The following VAX2 variants were observed in gnomAD, a reference collection of about 807,000 sequenced individuals.
The protein encoded by VAX2 is ventral anterior homeobox 2.
Under a neutral mutation model 12.5 loss-of-function variants are expected in VAX2, and 8 were observed. That is an observed-to-expected ratio of 0.64 (90% CI 0.37 to 1.15). The LOEUF (loss-of-function observed/expected upper bound fraction) is 1.15. VAX2 is among the 50% of genes most tolerant of loss of function. The pLI is 0.01. For synonymous variants in VAX2, 183 were observed against 187.6 expected, an observed-to-expected ratio of 0.98 and a Z score of 0.20; for missense variants, 476 against 412.9, an observed-to-expected ratio of 1.15 and a Z score of -1.32.
chr2:70,918,224 C>T (rs1553412311), intron 1 of VAX2, among the ~76,000 whole-genome samples: 1 of 152,176 alleles, frequency 6.6e-6, no homozygotes, highest in African/African-American at 2.4e-5. Flanking sequence ...CACCCTGGCT[C>T]ACCTTTTCCC....
intron 1 of VAX2, among the ~76,000 whole-genome samples, chr2:70,918,983 C>A (rs1472541117): frequency 4.0e-5 from 6 of 151,544 alleles, no homozygotes; most frequent in Non-Finnish European, 7.4e-5. Flanking sequence ...GTGAGCAGAT[C>A]ATGAAGTCAG....
At chr2:70,919,896 G>A (rs1227257218) in intron 1 of VAX2, among the ~76,000 whole-genome samples, 1 of 152,174 alleles carries the variant, frequency 6.6e-6, no homozygotes, top group African/African-American at 2.4e-5. Context: ...TAAGTGCTTA[G>A]AACAGTGACT....
At chr2:70,901,778 G>C (rs1296473047) in intron 1 of VAX2, among the ~76,000 whole-genome samples, 1 of 152,230 alleles carries the variant, frequency 6.6e-6, no homozygotes, top group Non-Finnish European at 1.5e-5. Flanking sequence ...GGACTCCGGG[G>C]TCTTGCCCTC....
intron 2 of VAX2, among the ~76,000 whole-genome samples, chr2:70,922,116 C>G (rs1311735822): frequency 6.6e-6 from 1 of 152,186 alleles, no homozygotes; most frequent in Non-Finnish European, 1.5e-5. Context: ...CAAGCAGTCT[C>G]TCATCTTTAT....
chr2:70,929,357 C>G (rs1014284557), intron 2 of VAX2, among the ~76,000 whole-genome samples: 1 of 152,222 alleles, frequency 6.6e-6, no homozygotes, highest in Admixed American at 6.5e-5. Context: ...TAAACTGTTA[C>G]CTGTCTATGA....
intron 1 of VAX2, among the ~76,000 whole-genome samples, chr2:70,912,537 CT>C (rs1433217334): frequency 6.6e-6 from 1 of 152,132 alleles, no homozygotes; most frequent in Non-Finnish European, 1.5e-5. Flanking sequence ...TGGTGGGCGC[CT>C]GTAATCCCAT....
chr2:70,924,585 G>A (rs1679528527), intron 2 of VAX2, among the ~76,000 whole-genome samples: 1 of 152,178 alleles, frequency 6.6e-6, no homozygotes, highest in East Asian at 1.9e-4. Context: ...TGCAGCGGGT[G>A]CATTCATGGG....
At chr2:70,913,594 C>T (rs1679241888) in intron 1 of VAX2, among the ~76,000 whole-genome samples, 2 of 152,016 alleles carry the variant, frequency 1.3e-5, no homozygotes, top group South Asian at 2.1e-4. Flanking sequence ...GAGAATCGTT[C>T]GAACCCAGGA....
At chr2:70,919,359 T>TA (rs61123586) in intron 1 of VAX2, among the ~76,000 whole-genome samples, 121,431 of 151,718 alleles carry the variant, frequency 0.8, 49,218 homozygotes, top group African/African-American at 0.94. Flanking sequence ...ATGGGGATCA[T>TA]ATAGTTCCAA....
chr2:70,910,836 A>G (rs1442357379), intron 1 of VAX2, among the ~76,000 whole-genome samples: 8 of 149,738 alleles, frequency 5.3e-5, no homozygotes, highest in Admixed American at 4.6e-4. Context: ...GCAACAAAAA[A>G]CTTTCTTTGT....
At position 70,900,676 on chromosome 2, in the gene VAX2, G is replaced by T; in HGVS notation, c.55G>T (p.Gly19Cys). The change falls in exon 1 of 3, where the codon GGT becomes TGT. Residue 19 changes from glycine (G) to cysteine (C), a missense_variant. Transcript: ENST00000234392. ...DRGPARRAES[G>C]GGGGRCGDRS... ...GGGCCCCGCGCGCCGGGCGGAGTCTGGTGGCGGCGGTGGGCGCTGCGGAGA... is the reference window on the plus strand; with the variant it reads ...GGGCCCCGCGCGCCGGGCGGAGTCTTGTGGCGGCGGTGGGCGCTGCGGAGA... 7.7e-7 allele frequency: 1 copy of T among 1,292,512 alleles called. No homozygotes were observed. Among genetic ancestry groups the T allele is most frequent in the Non-Finnish European group, 9.8e-7 (1 of 1,019,412 alleles). The allele number at this position is 1,292,512 out of a possible 1,614,324, so 80.1% of individuals were successfully genotyped here.
At position 70,909,080 on chromosome 2, in the gene VAX2, T is replaced by C. The variant is rs1301750949; in HGVS notation, c.247+8212T>C. The stretch of plus-strand genomic sequence containing the variant: ...ATTGCTTTCAATATGTGTTGCAACA[T>C]TTTAATTTACAATTTATCCTTTGAT... On this transcript the variant is annotated intron_variant, in intron 1 of 2. Transcript: ENST00000234392. Among the ~76,000 whole-genome samples the C allele has an allele frequency of 3.9e-5, 6 of 152,364 alleles. No homozygotes were observed. In the East Asian group the frequency reaches 5.8e-4, roughly 15 times the overall value.
At chr2:70,922,778 C>T (rs1169111006) in intron 2 of VAX2, among the ~76,000 whole-genome samples, 3 of 152,196 alleles carry the variant, frequency 2.0e-5, no homozygotes, top group Non-Finnish European at 2.9e-5. Context: ...AACAACCCTG[C>T]GGGGCCTCCC....
intron 1 of VAX2, among the ~76,000 whole-genome samples, chr2:70,915,744 C>A (rs755925588): frequency 6.6e-6 from 1 of 151,986 alleles, no homozygotes; most frequent in Non-Finnish European, 1.5e-5. Flanking sequence ...ATCTGCTTAA[C>A]GTGACTTATT....
intron 1 of VAX2, among the ~76,000 whole-genome samples, chr2:70,909,580 A>T (rs1437469017): frequency 6.6e-6 from 1 of 151,954 alleles, no homozygotes; most frequent in Admixed American, 6.6e-5. Context: ...TACCTTCCAA[A>T]CTTTACCTAG....
chr2:70,924,905 A>G (rs1326586963), intron 2 of VAX2, among the ~76,000 whole-genome samples: 2 of 152,088 alleles, frequency 1.3e-5, no homozygotes, highest in Admixed American at 6.5e-5. Context: ...GTCATAGGAG[A>G]GAGACTAAAA....
intron 2 of VAX2, among the ~76,000 whole-genome samples, chr2:70,928,382 C>T (rs1352755788): frequency 1.3e-5 from 2 of 152,184 alleles, no homozygotes; most frequent in African/African-American, 2.4e-5. Context: ...GCATGAGGCC[C>T]GGACATCATC....
At position 70,904,005 on chromosome 2, in the gene VAX2, T is replaced by C. The variant is rs575639632; in HGVS notation, c.247+3137T>C. Among the ~76,000 whole-genome samples the C allele has an allele frequency of 6.6e-5, 10 of 152,186 alleles. No individual in the cohort carries two copies. Among genetic ancestry groups the C allele is most frequent in the Admixed American group, 1.3e-4 (2 of 15,288 alleles). On this transcript the variant is annotated intron_variant, in intron 1 of 2. Transcript: ENST00000234392. This position sits in a 1 kb window ranked among gnomAD's most constrained non-coding sequence, Gnocchi z 4.2. ...AAGAGGCCAAACGTGGTGCGTCTCCTGCCTCAAAATGAAGACTCCTACATG... is the reference window on the plus strand; with the variant it reads ...AAGAGGCCAAACGTGGTGCGTCTCCCGCCTCAAAATGAAGACTCCTACATG...
At chr2:70,915,023 A>G (rs1233228832) in intron 1 of VAX2, among the ~76,000 whole-genome samples, 1 of 152,078 alleles carries the variant, frequency 6.6e-6, no homozygotes, top group African/African-American at 2.4e-5. Flanking sequence ...CTGGTCTCCA[A>G]TGCCTGGCCT....
Sources: gnomAD v4.1 joint callset for allele counts (sites outside exome capture counted in the v4.1 genomes callset) on GRCh38, gnomAD v4.1.1 for gene constraint, Gnocchi (gnomAD v3.1) non-coding constraint, MANE v1.5 for transcripts, NCBI Gene and HGNC (gene_info 2026-07-23, HGNC 2026-07-21) for gene names.